Variants in ANKS4B observed in about 807,000 individuals in gnomAD.
The protein encoded by ANKS4B is ankyrin repeat and sterile alpha motif domain containing 4B, also known as ankyrin repeat and SAM domain-containing protein 4B.
In ANKS4B, 21 loss-of-function variants were observed where a neutral mutation model predicts 20.2. The observed-to-expected ratio is 1.04, with a 90% CI of 0.74 to 1.50. The LOEUF is 1.50. Among genes scored for constraint, ANKS4B ranks in the 40% most tolerant of loss-of-function variants. The pLI, the probability that ANKS4B is intolerant of heterozygous loss-of-function variation, is 0.00. For missense variants in ANKS4B, 473 were observed against 494.6 expected (o/e 0.96, Z 0.41); for synonymous variants, 179 against 194.5 (o/e 0.92, Z 0.66).
In ANKS4B at chr16:21,249,784, C is replaced by T. The variant is rs764621269; in HGVS notation, c.218C>T (p.Ala73Val). The T allele has an allele frequency of 1.9e-6, 3 of 1,614,140 alleles. No homozygotes were observed. The highest frequency in any genetic ancestry group is 1.1e-5 in the South Asian group (1 of 91,072). ...IWGNTPLHFA[A>V]SNGHAHCVSF... Reference sequence around the variant, plus strand: ...GGAAACACTCCTCTACATTTTGCAGCCTCCAATGGCCATGCCCACTGCGTC... The same window carrying T: ...GGAAACACTCCTCTACATTTTGCAGTCTCCAATGGCCATGCCCACTGCGTC... Residue 73 changes from alanine (A) to valine (V), a missense_variant, in exon 2 of 2, where the codon GCC (alanine) becomes GTC (valine). Coordinates refer to ENST00000311620, the MANE Select transcript of ANKS4B (RefSeq NM_145865.3).
At chr16:21,248,551 G>A (rs1308583561) in intron 1 of ANKS4B, among the ~76,000 whole-genome samples, 1 of 152,056 alleles carries the variant, frequency 6.6e-6, no homozygotes, top group South Asian at 2.1e-4. Flanking sequence ...CCAACACGGT[G>A]AAACTCCATC....
chr16:21,242,271 C>T (rs1405922249), intron 1 of ANKS4B, among the ~76,000 whole-genome samples: 1 of 152,168 alleles, frequency 6.6e-6, no homozygotes, highest in Non-Finnish European at 1.5e-5. Context: ...ACTGCAACCT[C>T]CGCCTCCCGG....
intron 1 of ANKS4B, among the ~76,000 whole-genome samples, chr16:21,248,995 T>G (rs2093335576): frequency 6.6e-6 from 1 of 152,182 alleles, no homozygotes; most frequent in East Asian, 1.9e-4. Context: ...ATGCTACAAA[T>G]TAGGATTTTG....
intron 1 of ANKS4B, among the ~76,000 whole-genome samples, chr16:21,248,439 A>G (rs2093334973): frequency 6.6e-6 from 1 of 151,962 alleles, no homozygotes; most frequent in South Asian, 2.1e-4. Flanking sequence ...TCTTAAAAAT[A>G]AAATTACAGG....
chr16:21,245,266 CTT>C (rs944088238), intron 1 of ANKS4B, among the ~76,000 whole-genome samples: 2 of 152,096 alleles, frequency 1.3e-5, no homozygotes, highest in Non-Finnish European at 2.9e-5. Context: ...TTAACTGTGA[CTT>C]TGTTGAAAGA....
chr16:21,240,375 G>A (rs113831685), intron 1 of ANKS4B, among the ~76,000 whole-genome samples: 3 of 151,316 alleles, frequency 2.0e-5, no homozygotes, highest in African/African-American at 7.3e-5. Context: ...TGCAACCTCC[G>A]CCACCTAGGT....
In ANKS4B at chr16:21,250,437, AAG is replaced by A; in HGVS notation, c.878_879del (p.Glu293ValfsTer4). ...ISSPEDISDSKREFGFKLPSE... is the reference protein window; with the variant it reads ...ISSPEDISDSXREFGFKLPSE... ...GAGTCCTGAAGACATCTCAGATAGC[AAG>A]AGAGAGTTTGGTTTTAAACTGCCCA... is the stretch of plus-strand genomic sequence containing the variant. On this transcript the variant is annotated frameshift_variant, in exon 2 of 2. Coordinates refer to ENST00000311620, the MANE Select transcript of ANKS4B (RefSeq NM_145865.3). LOFTEE classifies it high-confidence loss of function. 6.2e-7 allele frequency: 1 copy of A among 1,614,184 alleles called. No individual in the cohort carries two copies. Among genetic ancestry groups the A allele is most frequent in the African/African-American group, 1.3e-5 (1 of 75,060 alleles).
chr16:21,249,732 G>T lies in ANKS4B; in HGVS notation c.166G>T (p.Gly56Trp). ...TTTTTTTCTCTCTCTCTCTTCTAGA[G>T]GGGACCCTGATAGGTGTGACATCTG... ...EALEIICSRG[G>W]DPDRCDIWGN... The change falls in exon 2 of 2, where the codon GGG becomes TGG. Residue 56 changes from glycine to tryptophan, a missense_variant and splice_region_variant. Gly to Trp is a radical substitution (Grantham distance 184). Transcript: ENST00000311620. 1 of 1,605,784 alleles carries T rather than the reference G, an allele frequency of 6.2e-7. No individual in the cohort carries two copies. Among genetic ancestry groups the T allele is most frequent in the East Asian group, 2.2e-5 (1 of 44,614 alleles).
Position 21,249,246 on chromosome 16 carries a change from C to T in ANKS4B, c.165-485C>T, listed in dbSNP as rs540623361. On this transcript the variant is annotated intron_variant, in intron 1 of 1. Transcript: ENST00000311620. Reference sequence around the variant, plus strand: ...CACCTGTAATCCCAACAATTTGGGACGCCAAGGCAAGCAGATGGCTTGAGG... The same window carrying T: ...CACCTGTAATCCCAACAATTTGGGATGCCAAGGCAAGCAGATGGCTTGAGG... 5.3e-5 allele frequency among the ~76,000 whole-genome samples: 8 copies of T among 152,288 alleles called. No homozygotes were observed. In the East Asian group the frequency reaches 7.7e-4, roughly 15 times the overall value.
chr16:21,235,205 C>T (rs567171314), intron 1 of ANKS4B, among the ~76,000 whole-genome samples: 1 of 152,308 alleles, frequency 6.6e-6, no homozygotes, highest in South Asian at 2.1e-4. Flanking sequence ...GCATCTACCT[C>T]AATCTCAGGG....
chr16:21,244,234 AG>A (rs2093329794), intron 1 of ANKS4B, among the ~76,000 whole-genome samples: 2 of 152,002 alleles, frequency 1.3e-5, no homozygotes, highest in African/African-American at 4.8e-5. Context: ...GGACACAGGG[AG>A]GGGAACATCA....
chr16:21,235,264 A>C (rs752258144), intron 1 of ANKS4B, among the ~76,000 whole-genome samples: 4 of 152,352 alleles, frequency 2.6e-5, no homozygotes, highest in Non-Finnish European at 5.9e-5. Context: ...GGGATTAGGA[A>C]AATGAGAACA....
chr16:21,234,997 C>A (rs2093318531), intron 1 of ANKS4B, among the ~76,000 whole-genome samples: 1 of 152,142 alleles, frequency 6.6e-6, no homozygotes, highest in Admixed American at 6.5e-5. Flanking sequence ...AAGAGGTGTG[C>A]ACCACCATGC....
At chr16:21,246,154 A>G (rs1258742615) in intron 1 of ANKS4B, among the ~76,000 whole-genome samples, 1 of 152,192 alleles carries the variant, frequency 6.6e-6, no homozygotes, top group Non-Finnish European at 1.5e-5. Context: ...AACAAAGGAG[A>G]CAGGGTTATT....
intron 1 of ANKS4B, among the ~76,000 whole-genome samples, chr16:21,249,113 G>A (rs900669323): frequency 9.9e-5 from 15 of 152,196 alleles, no homozygotes; most frequent in African/African-American, 3.4e-4. Flanking sequence ...TCTCTTAGGC[G>A]TGTAACCTAG....
intron 1 of ANKS4B, among the ~76,000 whole-genome samples, chr16:21,234,522 C>CCCACACACACG (rs2093317918): frequency 8.2e-6 from 1 of 121,256 alleles, no homozygotes; most frequent in African/African-American, 2.7e-5. Context: ...ACACACACAC[C>CCCACACACACG]CCATCTCTTT....
intron 1 of ANKS4B, among the ~76,000 whole-genome samples, chr16:21,237,835 G>A (rs2093322055): frequency 6.6e-6 from 1 of 152,176 alleles, no homozygotes. Flanking sequence ...TTCAGAAAGT[G>A]AGTACCCATT....
At chr16:21,243,427 A>G (rs2093328652) in intron 1 of ANKS4B, among the ~76,000 whole-genome samples, 2 of 152,222 alleles carry the variant, frequency 1.3e-5, no homozygotes, top group South Asian at 2.1e-4. Flanking sequence ...AGTTGTATGC[A>G]ATGGTTCTAT....
chr16:21,237,205 G>A (rs1267533330), intron 1 of ANKS4B, among the ~76,000 whole-genome samples: 1 of 151,986 alleles, frequency 6.6e-6, no homozygotes, highest in East Asian at 1.9e-4. Flanking sequence ...ATTTTTAGTA[G>A]GGACAGGGTT....
Sources: allele counts gnomAD v4.1 joint callset (sites outside exome capture counted in the v4.1 genomes callset), GRCh38; gene constraint gnomAD v4.1.1; transcripts MANE v1.5; gene names NCBI Gene and HGNC (gene_info 2026-07-23, HGNC 2026-07-21).